The following CCSER1 variants were observed in gnomAD, a reference collection of about 807,000 sequenced individuals.
CCSER1 encodes serine-rich coiled-coil domain-containing protein 1.
In CCSER1, 41 loss-of-function variants were observed where a neutral mutation model predicts 82.0. That is an observed-to-expected ratio of 0.50 (90% CI 0.39 to 0.65). The LOEUF (loss-of-function observed/expected upper bound fraction) is 0.65, where lower values mean the gene tolerates loss of function less well. CCSER1 is among the 30% of genes least tolerant of loss of function. CCSER1 has a pLI of 0.00. For missense variants in CCSER1, 1,119 were observed against 1,064.2 expected, an observed-to-expected ratio of 1.05 and a Z score of -0.72; for synonymous variants, 414 against 383.9, an observed-to-expected ratio of 1.08 and a Z score of -0.92.
At chr4:90,498,991 G>T (rs527987296) in intron 5 of CCSER1, among the ~76,000 whole-genome samples, 1 of 152,062 alleles carries the variant, frequency 6.6e-6, no homozygotes, top group African/African-American at 2.4e-5. Context: ...TGCAATTGAT[G>T]AGTTGATTAT....
In CCSER1 at chr4:90,749,021, T is replaced by C. The variant is rs934658309; in HGVS notation, c.2010+25030T>C. ...ACTCTGATGGTAGTTTCTTTTGCTG[T>C]GCAGAAGCTCTTTAGTTTAATTAGA... On this transcript the variant is annotated intron_variant, in intron 7 of 10. Coordinates refer to ENST00000509176, the MANE Select transcript of CCSER1 (RefSeq NM_001145065.2). 9.2e-5 allele frequency among the ~76,000 whole-genome samples: 14 copies of C among 151,490 alleles called. 1 individual carries two copies. The highest frequency in any genetic ancestry group is 1.6e-4 in the Non-Finnish European group (11 of 67,720).
At chr4:90,866,161 C>A (rs1765704096) in intron 8 of CCSER1, among the ~76,000 whole-genome samples, 1 of 151,896 alleles carries the variant, frequency 6.6e-6, no homozygotes, top group African/African-American at 2.4e-5. Context: ...AACAGAGATG[C>A]AAACCATATC....
intron 9 of CCSER1, among the ~76,000 whole-genome samples, chr4:90,992,473 T>C (rs1271440790): frequency 1.3e-5 from 2 of 152,048 alleles, no homozygotes; most frequent in Admixed American, 1.3e-4. Context: ...CAATATACAT[T>C]TATTATCTCA....
chr4:91,269,499 A>C (rs1183094669), intron 10 of CCSER1, among the ~76,000 whole-genome samples: 1 of 152,226 alleles, frequency 6.6e-6, no homozygotes, highest in Non-Finnish European at 1.5e-5. Context: ...ACCAAAATGC[A>C]TTAAAGAATA....
intron 10 of CCSER1, among the ~76,000 whole-genome samples, chr4:91,597,731 CCT>C (rs760954901): frequency 1.2e-4 from 18 of 152,010 alleles, no homozygotes; most frequent in Non-Finnish European, 2.1e-4. Context: ...TCATTTTTAT[CCT>C]CTTTCTTTGT....
At chr4:90,416,919 C>T (rs189596502) in intron 4 of CCSER1, among the ~76,000 whole-genome samples, 1 of 151,040 alleles carries the variant, frequency 6.6e-6, no homozygotes, top group East Asian at 1.9e-4. Context: ...AAGCTGAAAA[C>T]CATTATTCTT....
At chr4:91,538,705 A>ATATATATATATATATTATATATATATG (rs1761437044) in intron 10 of CCSER1, among the ~76,000 whole-genome samples, 1 of 23,210 alleles carries the variant, frequency 4.3e-5, no homozygotes, top group Non-Finnish European at 8.1e-5. Flanking sequence ...ACACATATAT[A>ATATATATATATATATTATATATATATG]TATATAATAT....
At chr4:91,216,536 G>T (rs1400284595) in intron 10 of CCSER1, among the ~76,000 whole-genome samples, 1 of 152,098 alleles carries the variant, frequency 6.6e-6, no homozygotes, top group Non-Finnish European at 1.5e-5. Flanking sequence ...TAGCCAGGAT[G>T]GTCTCCATCT....
chr4:91,305,552 G>T (rs1744992903), intron 10 of CCSER1, among the ~76,000 whole-genome samples: 1 of 151,962 alleles, frequency 6.6e-6, no homozygotes, highest in Non-Finnish European at 1.5e-5. Context: ...TTCCCACACT[G>T]TAATTAATGA....
At chr4:90,559,709 C>T (rs1363453323) in intron 5 of CCSER1, among the ~76,000 whole-genome samples, 2 of 148,174 alleles carry the variant, frequency 1.3e-5, no homozygotes, top group Non-Finnish European at 3.0e-5. Context: ...ACTCGGGAGA[C>T]TGAGGCAGGA....
chr4:90,250,240 A>G (rs1722151966), intron 1 of CCSER1, among the ~76,000 whole-genome samples: 1 of 151,976 alleles, frequency 6.6e-6, no homozygotes, highest in South Asian at 2.1e-4. Context: ...ATGAAGTCTA[A>G]TTTATTTATA....
chr4:90,912,065 C>T (rs546362152), intron 8 of CCSER1, among the ~76,000 whole-genome samples: 8 of 152,266 alleles, frequency 5.3e-5, no homozygotes, highest in East Asian at 1.9e-4. Flanking sequence ...AGGGCATAGC[C>T]GAACAAAAGG....
chr4:91,063,806 TCAG>T (rs1744147506), intron 9 of CCSER1, among the ~76,000 whole-genome samples: 1 of 152,158 alleles, frequency 6.6e-6, no homozygotes, highest in Non-Finnish European at 1.5e-5. Flanking sequence ...TTACTTGATC[TCAG>T]CATCCTTACA....
At chr4:90,147,712 C>T (rs1726079389) in intron 1 of CCSER1, among the ~76,000 whole-genome samples, 1 of 151,784 alleles carries the variant, frequency 6.6e-6, no homozygotes, top group South Asian at 2.1e-4. Context: ...CATTTGAAAA[C>T]ATTTTCACAT....
intron 1 of CCSER1, among the ~76,000 whole-genome samples, chr4:90,252,244 A>G (rs1258838558): frequency 6.6e-6 from 1 of 151,932 alleles, no homozygotes; most frequent in African/African-American, 2.4e-5. Context: ...ATGTTTTTGC[A>G]TAAAAACTTT....
At chr4:90,269,031 A>G (rs1725763030) in intron 1 of CCSER1, among the ~76,000 whole-genome samples, 1 of 152,140 alleles carries the variant, frequency 6.6e-6, no homozygotes, top group Admixed American at 6.5e-5. Flanking sequence ...TCAACACCAG[A>G]GTACCCAGAT....
At chr4:90,440,983 A>G (rs1759798537) in intron 4 of CCSER1, among the ~76,000 whole-genome samples, 1 of 152,156 alleles carries the variant, frequency 6.6e-6, no homozygotes, top group African/African-American at 2.4e-5. Context: ...TAGTAGGGTT[A>G]GAAAAGATAG....
rs72881642 is a variant in CCSER1, at chr4:90,342,179, C to T, written c.1509+29132C>T. 8.3e-3 allele frequency among the ~76,000 whole-genome samples: 1,269 copies of T among 152,206 alleles called. 17 individuals carry two copies. Among genetic ancestry groups the T allele is most frequent in the African/African-American group, 0.029 (1,204 of 41,536 alleles). On this transcript the variant is annotated intron_variant, in intron 3 of 10. Transcript: ENST00000509176. ...AAGCGAGGGATATACAAAGAGAGAACATGCTTATTTTCTGGTTTCTTTAGT... is the reference window on the plus strand; with the variant it reads ...AAGCGAGGGATATACAAAGAGAGAATATGCTTATTTTCTGGTTTCTTTAGT...
intron 9 of CCSER1, among the ~76,000 whole-genome samples, chr4:90,956,944 CTT>C (rs35180536): frequency 7.7e-6 from 1 of 129,332 alleles, no homozygotes; most frequent in Admixed American, 8.0e-5. Context: ...CACAACCAGC[CTT>C]TTTTTTTTTT....
Sources: allele counts gnomAD v4.1 joint callset (sites outside exome capture counted in the v4.1 genomes callset), GRCh38; gene constraint gnomAD v4.1.1; transcripts MANE v1.5; gene names NCBI Gene and HGNC (gene_info 2026-07-23, HGNC 2026-07-21).